Variants in ARMC6 observed in about 807,000 individuals in gnomAD.
ARMC6 encodes the protein armadillo repeat containing 6.
ARMC6 carries 43 observed loss-of-function variants against 49.2 expected under a neutral mutation model. The ratio of observed to expected loss-of-function variants is 0.87; its 90% CI spans 0.69 to 1.13. The LOEUF (loss-of-function observed/expected upper bound fraction) is 1.13, where lower values mean the gene tolerates loss of function less well. Ranked by LOEUF, ARMC6 falls within the 50% of genes most tolerant of loss-of-function variation. The pLI is 0.00. For synonymous variants in ARMC6, 262 were observed against 289.6 expected (o/e 0.90, Z 0.97); for missense variants, 627 against 682.0 (o/e 0.92, Z 0.90).
intron 4 of ARMC6, among the ~76,000 whole-genome samples, chr19:19,047,754 G>A (rs2059462991): frequency 6.6e-6 from 1 of 152,110 alleles, no homozygotes; most frequent in African/African-American, 2.4e-5. Context: ...ACACAGCCTC[G>A]GGAGCTCCTG....
intron 2 of ARMC6, among the ~76,000 whole-genome samples, chr19:19,036,302 T>A (rs961220039): frequency 6.6e-6 from 1 of 152,150 alleles, no homozygotes; most frequent in African/African-American, 2.4e-5. Context: ...CCTCAGGTGA[T>A]CCACCGGTGT....
Position 19,052,139 on chromosome 19 carries a change from C to G in ARMC6, c.797C>G (p.Ala266Gly), listed in dbSNP as rs755452729. ...RVPFGHAHNHAKMIVQENKGL... is the reference protein window; with the variant it reads ...RVPFGHAHNHGKMIVQENKGL... ...CCCTTTGGCCATGCCCACAACCATG[C>G]CAAGATGATTGTGCAGGAGAACAAA... Residue 266 changes from alanine to glycine, a missense_variant, in exon 5 of 9, where the codon GCC becomes GGC. Physicochemically the swap from Ala to Gly is moderately conservative, Grantham distance 60. Transcript: ENST00000535612. 5 of 1,613,498 alleles carry G rather than the reference C, an allele frequency of 3.1e-6. No homozygotes were observed. Among genetic ancestry groups the G allele is most frequent in the Non-Finnish European group, 4.2e-6 (5 of 1,179,816 alleles).
intron 2 of ARMC6, chr19:19,037,624 C>T (rs1449543570): frequency 1.6e-6 from 2 of 1,244,906 alleles, no homozygotes; most frequent in African/African-American, 1.6e-5. Context: ...CCTCGGCCTC[C>T]CAAAGTGCAG....
rs1196363480 is a variant in ARMC6 at position 19,052,176 on chromosome 19, G to A, written c.834G>A (p.Val278=). The change falls in exon 5 of 9, where the codon GTG becomes GTA. Residue 278 remains valine (V), a synonymous_variant. Coordinates refer to ENST00000535612, the MANE Select transcript of ARMC6 (RefSeq NM_001199196.2). The part of the protein sequence containing the change: ...MIVQENKGLK[V]LIEATKAFLD... ...TGCAGGAGAACAAAGGCTTGAAGGT[G>A]CTCATCGAAGCCACCAAAGGTAAGA... The A allele has an allele frequency of 1.9e-6, 3 of 1,602,622 alleles. No homozygotes were observed. The highest frequency in any genetic ancestry group is 1.7e-5 in the Admixed American group (1 of 59,358).
rs537830562 is a variant in ARMC6 at position 19,049,629 on chromosome 19, G to A, written c.280-1993G>A. Among the ~76,000 whole-genome samples, 25 of 152,254 alleles carry A rather than the reference G, an allele frequency of 1.6e-4. No individual in the cohort carries two copies. The South Asian group carries it at 4.8e-3, about 29-fold the overall frequency. On this transcript the variant is annotated intron_variant, in intron 4 of 8. Coordinates refer to ENST00000535612, the MANE Select transcript of ARMC6 (RefSeq NM_001199196.2). ...ACCATCATGACTATCCATGACTTGC[G>A]ATACTGAAACAAACTCCATGTTCCT... is the stretch of plus-strand genomic sequence containing the variant.
intron 2 of ARMC6, among the ~76,000 whole-genome samples, chr19:19,037,086 G>A (rs1248081201): frequency 6.6e-6 from 1 of 152,196 alleles, no homozygotes; most frequent in Admixed American, 6.5e-5. Flanking sequence ...CTTGGAGGCT[G>A]AGGCACAAGA....
In ARMC6 at chr19:19,035,886, C is replaced by T. The variant is rs569320147; in HGVS notation, c.29+1648C>T. Among the ~76,000 whole-genome samples, 6 of 152,182 alleles carry T rather than the reference C, an allele frequency of 3.9e-5. No individual in the cohort carries two copies. In the South Asian group the frequency reaches 6.2e-4, roughly 16 times the overall value. On this transcript the variant is annotated intron_variant, in intron 2 of 8. Coordinates refer to ENST00000535612, the MANE Select transcript of ARMC6 (RefSeq NM_001199196.2). ...CTTGCTTTTATACATTTTAGGGAGA[C>T]GTGAGATATAAATGAATATGTGTAA... is the stretch of plus-strand genomic sequence containing the variant.
At chr19:19,057,352 T>C in intron 8 of ARMC6, 64 bp from the exon 9 acceptor site, 5 of 1,408,754 alleles carry the variant, frequency 3.5e-6, no homozygotes, top group South Asian at 1.2e-5. Context: ...ATGAAGACCC[T>C]GAGGTCAGAG....
At chr19:19,053,473 C>T (rs2059515848) in intron 5 of ARMC6, among the ~76,000 whole-genome samples, 1 of 151,808 alleles carries the variant, frequency 6.6e-6, no homozygotes. Context: ...GGTGACAAAG[C>T]GAGACTCTGT....
chr19:19,044,146 G>A (rs2059431272), intron 4 of ARMC6, 72 bp downstream of exon 4: 1 of 1,443,890 alleles, frequency 6.9e-7, no homozygotes, highest in Admixed American at 1.7e-5. Flanking sequence ...CTGTTTCCTG[G>A]ATGGCAGAAT....
intron 2 of ARMC6, among the ~76,000 whole-genome samples, chr19:19,036,432 T>C (rs533046432): frequency 5.3e-5 from 8 of 152,196 alleles, no homozygotes; most frequent in Non-Finnish European, 8.8e-5. Context: ...AGGTGATGAC[T>C]TTCTGTCCTG....
chr19:19,036,959 G>T (rs1257224915), intron 2 of ARMC6, among the ~76,000 whole-genome samples: 1 of 152,004 alleles, frequency 6.6e-6, no homozygotes, highest in Non-Finnish European at 1.5e-5. Flanking sequence ...GCCGAGGCAG[G>T]TGGGTCACCT....
intron 5 of ARMC6, among the ~76,000 whole-genome samples, chr19:19,053,416 A>G (rs2059515375): frequency 6.6e-6 from 1 of 152,120 alleles, no homozygotes; most frequent in Admixed American, 6.5e-5. Context: ...GAGCCTAGGA[A>G]GGAGAAATTG....
At chr19:19,053,447 A>C (rs2059515676) in intron 5 of ARMC6, among the ~76,000 whole-genome samples, 1 of 152,154 alleles carries the variant, frequency 6.6e-6, no homozygotes, top group South Asian at 2.1e-4. Context: ...AGATCACGCC[A>C]CTGCACTCCA....
rs146512907 is a variant in ARMC6 at position 19,035,038 on chromosome 19, A to G, written c.29+800A>G. 2.8e-3 allele frequency among the ~76,000 whole-genome samples: 422 copies of G among 151,858 alleles called. 2 individuals are homozygous for G. The highest frequency in any genetic ancestry group is 9.7e-3 in the African/African-American group (400 of 41,416). Reference sequence around the variant, plus strand: ...CACCACGCCCGGCTAGTTTTTTTGTATTTTTTTAGTAGAGACGGGGTTTCA... The same window carrying G: ...CACCACGCCCGGCTAGTTTTTTTGTGTTTTTTTAGTAGAGACGGGGTTTCA... On this transcript the variant is annotated intron_variant, in intron 2 of 8. Transcript: ENST00000535612.
chr19:19,050,058 AG>A (rs1241036969), intron 4 of ARMC6, among the ~76,000 whole-genome samples: 5 of 152,292 alleles, frequency 3.3e-5, no homozygotes, highest in Admixed American at 3.3e-4. Flanking sequence ...ATGGAATCAC[AG>A]TATTTGTCTT....
chr19:19,051,664 C>T lies in ARMC6; in HGVS notation c.322C>T (p.Gln108Ter). ...LQESVASSRP[Q>*]EVSAYLTRFC... ...GGAGTCTGTGGCCAGCTCTCGCCCC[C>T]AGGAGGTGTCAGCATACCTCACCCG... Residue 108 changes from glutamine to a stop codon, truncating the protein, a stop_gained, in exon 5 of 9, where the codon CAG becomes TAG. Transcript: ENST00000535612. LOFTEE classifies it high-confidence loss of function. The T allele has an allele frequency of 6.2e-7, 1 of 1,612,412 alleles. No homozygotes were observed. Among genetic ancestry groups the T allele is most frequent in the Non-Finnish European group, 8.5e-7 (1 of 1,179,192 alleles).
Position 19,057,409 on chromosome 19 carries a change from C to A in ARMC6, c.1294-7C>A, listed in dbSNP as rs1247272398. 7 of 1,611,654 alleles carry A rather than the reference C, an allele frequency of 4.3e-6. No homozygotes were observed. Among genetic ancestry groups the A allele is most frequent in the African/African-American group, 1.3e-5 (1 of 75,010 alleles). On this transcript the variant is annotated splice_region_variant and splice_polypyrimidine_tract_variant and intron_variant, in intron 8 of 8. Transcript: ENST00000535612. ...ATCTGGCAGCTCACAGCTGCTCTCT[C>A]CTACAGAAACAGGCTTGCATGCTGA... is the stretch of plus-strand genomic sequence containing the variant.
At chr19:19,053,361 C>T (rs931279202) in intron 5 of ARMC6, among the ~76,000 whole-genome samples, 3 of 152,110 alleles carry the variant, frequency 2.0e-5, no homozygotes, top group Admixed American at 1.3e-4. Flanking sequence ...GTGGTGGGCA[C>T]CTGTAATCCC....
Sources: gnomAD v4.1 joint callset for allele counts (sites outside exome capture counted in the v4.1 genomes callset) on GRCh38, gnomAD v4.1.1 for gene constraint, MANE v1.5 for transcripts, NCBI Gene and HGNC (gene_info 2026-07-23, HGNC 2026-07-21) for gene names.